Variants in AFF3 observed in about 807,000 individuals in gnomAD.
AFF3 encodes AF4/FMR2 family member 3.
AFF3 carries 32 observed loss-of-function variants against 129.7 expected under a neutral mutation model. The observed-to-expected ratio is 0.25, with a 90% CI of 0.19 to 0.33. AFF3 has a LOEUF of 0.33. AFF3 is among the 10% of genes least tolerant of loss of function. The pLI, the probability that AFF3 is intolerant of heterozygous loss-of-function variation, is 1.00. For missense variants in AFF3, 1,373 were observed against 1,592.0 expected (o/e 0.86, Z 2.34); for synonymous variants, 644 against 635.4 (o/e 1.01, Z -0.20).
intron 24 of AFF3, among the ~76,000 whole-genome samples, chr2:99,554,037 T>G (rs976378176): frequency 6.6e-6 from 1 of 151,626 alleles, no homozygotes; most frequent in African/African-American, 2.4e-5. Context: ...GGAAAAAAAT[T>G]GGAAGGAACT....
At chr2:99,701,847 A>G (rs1676896088) in intron 11 of AFF3, among the ~76,000 whole-genome samples, 1 of 152,234 alleles carries the variant, frequency 6.6e-6, no homozygotes, top group Admixed American at 6.5e-5. Flanking sequence ...ACCACAGGTA[A>G]CCACTGATCT....
At position 99,647,198 on chromosome 2, in the gene AFF3, C is replaced by T. The variant is rs538768447; in HGVS notation, c.1184+2428G>A. Among the ~76,000 whole-genome samples the T allele has an allele frequency of 5.9e-5, 9 of 152,282 alleles. 1 individual carries two copies. Among genetic ancestry groups the T allele is most frequent in the Admixed American group, 2.0e-4 (3 of 15,290 alleles). On this transcript the variant is annotated intron_variant, in intron 13 of 24. Transcript: ENST00000672756. The stretch of plus-strand genomic sequence containing the variant: ...TCATTCTATTATAAAGACACATGCA[C>T]GTGTACGTTCACTGCAGCACTGTTC...
intron 7 of AFF3, among the ~76,000 whole-genome samples, chr2:99,884,348 T>C (rs1692949131): frequency 6.6e-6 from 1 of 152,244 alleles, no homozygotes. Flanking sequence ...CTTAGCAATT[T>C]TGATATATAC....
chr2:99,994,525 A>T (rs1680657735), intron 7 of AFF3, among the ~76,000 whole-genome samples: 1 of 152,220 alleles, frequency 6.6e-6, no homozygotes, highest in Admixed American at 6.5e-5. Context: ...AACAATTAGA[A>T]ATTAGACAGA....
At chr2:99,854,617 C>T (rs1002795042) in intron 7 of AFF3, among the ~76,000 whole-genome samples, 1 of 152,204 alleles carries the variant, frequency 6.6e-6, no homozygotes, top group African/African-American at 2.4e-5. Flanking sequence ...CCCATCACTT[C>T]TGCCTTCTGT....
At chr2:99,924,929 G>A (rs1696116911) in intron 7 of AFF3, among the ~76,000 whole-genome samples, 1 of 150,590 alleles carries the variant, frequency 6.6e-6, no homozygotes, top group Non-Finnish European at 1.5e-5. Context: ...AGGCTGGAGT[G>A]ACATGGCTTG....
chr2:100,068,984 G>T (rs1687953990), intron 4 of AFF3, among the ~76,000 whole-genome samples: 1 of 152,076 alleles, frequency 6.6e-6, no homozygotes, highest in Non-Finnish European at 1.5e-5. Context: ...AAGTTCAGGG[G>T]TACATGTGCA....
At position 99,554,121 on chromosome 2, in the gene AFF3, A is replaced by G. The variant is rs557480012; in HGVS notation, c.3559+190T>C. Among the ~76,000 whole-genome samples the G allele has an allele frequency of 3.3e-5, 5 of 152,252 alleles. No homozygotes were observed. The East Asian group carries it at 7.7e-4, about 24-fold the overall frequency. On this transcript the variant is annotated intron_variant, in intron 24 of 24. Transcript: ENST00000672756. ...GACTGTATAATCAATGTACTAGGATATTATTATAGAACCACCATAAAGGGT... is the reference window on the plus strand; with the variant it reads ...GACTGTATAATCAATGTACTAGGATGTTATTATAGAACCACCATAAAGGGT...
At chr2:99,572,111 T>C (rs1203397669) in intron 18 of AFF3, among the ~76,000 whole-genome samples, 2 of 152,178 alleles carry the variant, frequency 1.3e-5, no homozygotes, top group African/African-American at 4.8e-5. Flanking sequence ...AATAAAAGTT[T>C]AATTAAACAC....
chr2:99,839,564 G>T (rs1194050390), intron 7 of AFF3, among the ~76,000 whole-genome samples: 3 of 151,694 alleles, frequency 2.0e-5, no homozygotes, highest in Non-Finnish European at 4.4e-5. Flanking sequence ...TAGTGGATAA[G>T]AAATGATGTC....
intron 4 of AFF3, among the ~76,000 whole-genome samples, chr2:100,016,211 T>C (rs911717600): frequency 6.7e-6 from 1 of 149,918 alleles, no homozygotes; most frequent in South Asian, 2.2e-4. Flanking sequence ...GTTGTGATAA[T>C]GGCAATGGTA....
rs748256601 is a variant in AFF3 at position 99,744,137 on chromosome 2, A to G, written c.1006T>C (p.Ser336Pro). The change falls in exon 10 of 25, where the codon TCT becomes CCT. Residue 336 changes from serine (S) to proline (P), a missense_variant. Coordinates refer to ENST00000672756, the MANE Select transcript of AFF3 (RefSeq NM_001386135.1). The part of the protein sequence containing the change: ...PTKFPFPNKD[S>P]QLVSSGHNNP... ...TTGTGTCCAGAGGATACAAGCTGAGAGTCCTGAAAGAACAAGAAATATCAA... is the reference window on the plus strand; with the variant it reads ...TTGTGTCCAGAGGATACAAGCTGAGGGTCCTGAAAGAACAAGAAATATCAA... The G allele has an allele frequency of 1.9e-6, 3 of 1,605,650 alleles. No individual in the cohort carries two copies. The highest frequency in any genetic ancestry group is 1.7e-5 in the Admixed American group (1 of 58,460).
At chr2:100,020,015 C>T (rs1683456624) in intron 4 of AFF3, among the ~76,000 whole-genome samples, 1 of 152,154 alleles carries the variant, frequency 6.6e-6, no homozygotes, top group African/African-American at 2.4e-5. Flanking sequence ...ATAGGCCCTC[C>T]CTGACCCTCT....
intron 7 of AFF3, among the ~76,000 whole-genome samples, chr2:99,839,823 G>T (rs956976871): frequency 1.3e-5 from 2 of 151,608 alleles, no homozygotes; most frequent in Non-Finnish European, 2.9e-5. Context: ...TGTTAGCCAG[G>T]CTGGTCTTGA....
chr2:100,032,278 A>C (rs1684557242), intron 4 of AFF3, among the ~76,000 whole-genome samples: 1 of 151,958 alleles, frequency 6.6e-6, no homozygotes, highest in Non-Finnish European at 1.5e-5. Flanking sequence ...ATACAAAACA[A>C]ATTAGCCAGG....
At chr2:100,053,553 C>T (rs952245551) in intron 4 of AFF3, among the ~76,000 whole-genome samples, 3 of 152,180 alleles carry the variant, frequency 2.0e-5, no homozygotes, top group Non-Finnish European at 4.4e-5. Flanking sequence ...ATAAGAAGCA[C>T]CTAGAATCAT....
At chr2:99,729,631 TG>T (rs1433522287) in intron 10 of AFF3, among the ~76,000 whole-genome samples, 1 of 152,156 alleles carries the variant, frequency 6.6e-6, no homozygotes, top group Admixed American at 6.5e-5. Flanking sequence ...AATGTTTAAG[TG>T]TATACACCAC....
At chr2:100,013,717 T>A (rs950147351) in intron 4 of AFF3, among the ~76,000 whole-genome samples, 1 of 152,132 alleles carries the variant, frequency 6.6e-6, no homozygotes, top group African/African-American at 2.4e-5. Flanking sequence ...TAAGGAGAAT[T>A]CTGGAATAAA....
chr2:100,105,596 T>G lies in AFF3; in HGVS notation c.-144-13A>C, dbSNP rs1340228589. 2 of 1,334,716 alleles carry G rather than the reference T, an allele frequency of 1.5e-6. No individual in the cohort carries two copies. Among genetic ancestry groups the G allele is most frequent in the Non-Finnish European group, 2.0e-6 (2 of 1,006,730 alleles). The allele number at this position is 1,334,716 out of a possible 1,614,324, so 82.7% of individuals were successfully genotyped here. On this transcript the variant is annotated splice_polypyrimidine_tract_variant and intron_variant, in intron 2 of 24. Transcript: ENST00000672756. The stretch of plus-strand genomic sequence containing the variant: ...GGCAGGTGATCAGCTAGAAGGGTGA[T>G]AAGAGTATCATCGTGGCTCCTAAAG...
Sources: allele counts gnomAD v4.1 joint callset (sites outside exome capture counted in the v4.1 genomes callset), GRCh38; gene constraint gnomAD v4.1.1; transcripts MANE v1.5; gene names NCBI Gene and HGNC (gene_info 2026-07-23, HGNC 2026-07-21).